Variants in EPS15 observed in about 807,000 individuals in gnomAD.
The protein encoded by EPS15 is epidermal growth factor receptor pathway substrate 15.
A neutral mutation model predicts 113.8 loss-of-function variants in EPS15; 72 were observed. The ratio of observed to expected loss-of-function variants is 0.63; its 90% CI spans 0.52 to 0.77. The LOEUF (loss-of-function observed/expected upper bound fraction) is 0.77, where lower values mean the gene tolerates loss of function less well. Ranked by LOEUF, EPS15 falls within the 30% of genes least tolerant of loss-of-function variation. The pLI, the probability that EPS15 is intolerant of heterozygous loss-of-function variation, is 0.00. For missense variants in EPS15, 1,048 were observed against 1,045.8 expected, an observed-to-expected ratio of 1.00 and a Z score of -0.03; for synonymous variants, 344 against 363.4, an observed-to-expected ratio of 0.95 and a Z score of 0.61.
intron 2 of EPS15, among the ~76,000 whole-genome samples, chr1:51,480,106 T>C (rs1206298851): frequency 3.3e-5 from 5 of 152,260 alleles, no homozygotes; most frequent in Admixed American, 2.6e-4. Context: ...AATTATTCTC[T>C]GACCTTAGAA....
At chr1:51,477,336 TTCTCTC>T (rs1643928017) in intron 2 of EPS15, among the ~76,000 whole-genome samples, 1 of 152,168 alleles carries the variant, frequency 6.6e-6, no homozygotes, top group Non-Finnish European at 1.5e-5. Flanking sequence ...TATTTGATTC[TTCTCTC>T]TCTGCTTCTT....
chr1:51,498,467 G>A (rs1644362522), intron 1 of EPS15, among the ~76,000 whole-genome samples: 1 of 152,194 alleles, frequency 6.6e-6, no homozygotes, highest in Non-Finnish European at 1.5e-5. Flanking sequence ...AATTATATGA[G>A]ATGTTCAAAA....
chr1:51,502,230 A>C (rs1365306007), intron 1 of EPS15, among the ~76,000 whole-genome samples: 1 of 152,156 alleles, frequency 6.6e-6, no homozygotes, highest in East Asian at 1.9e-4. Flanking sequence ...TCACCACTGC[A>C]CTCCAGCCTG....
At chr1:51,505,330 G>A (rs984495903) in intron 1 of EPS15, among the ~76,000 whole-genome samples, 5 of 152,254 alleles carry the variant, frequency 3.3e-5, no homozygotes, top group South Asian at 2.1e-4. Flanking sequence ...ATAACCATAC[G>A]ATGGAATATT....
rs146351603 is a variant in EPS15 at position 51,369,696 on chromosome 1, C to G, written c.2120-3667G>C. Among the ~76,000 whole-genome samples, 333 of 152,120 alleles carry G rather than the reference C, an allele frequency of 2.2e-3. 3 individuals are homozygous for G. The highest frequency in any genetic ancestry group is 7.7e-3 in the African/African-American group (318 of 41,482). ...TGATACGGTTTTTTGTGAAGGTGTA[C>G]ATGAAAAAGCTACATTTTAGGTATA... On this transcript the variant is annotated intron_variant, in intron 21 of 24. Transcript: ENST00000371733.
At chr1:51,395,704 T>C (rs1047413282) in intron 20 of EPS15, among the ~76,000 whole-genome samples, 3 of 152,238 alleles carry the variant, frequency 2.0e-5, no homozygotes, top group Admixed American at 6.5e-5. Context: ...TTTTTAATCA[T>C]AGTCAAACAA....
intron 13 of EPS15, among the ~76,000 whole-genome samples, chr1:51,417,728 G>A (rs1650375495): frequency 1.3e-5 from 2 of 152,132 alleles, no homozygotes; most frequent in African/African-American, 2.4e-5. Flanking sequence ...AGGCATGAGT[G>A]GAATTCACAT....
intron 21 of EPS15, among the ~76,000 whole-genome samples, chr1:51,377,733 G>A (rs1214519938): frequency 6.6e-6 from 1 of 152,118 alleles, no homozygotes; most frequent in Non-Finnish European, 1.5e-5. Context: ...GAAAGGAAGA[G>A]TCAATTGATG....
intron 4 of EPS15, among the ~76,000 whole-genome samples, chr1:51,470,896 C>T (rs957767894): frequency 2.0e-5 from 3 of 152,172 alleles, no homozygotes; most frequent in Non-Finnish European, 4.4e-5. Flanking sequence ...TGACTGACTA[C>T]ATGGCACCTA....
chr1:51,418,079 A>G (rs1642158407), intron 13 of EPS15, among the ~76,000 whole-genome samples: 1 of 152,178 alleles, frequency 6.6e-6, no homozygotes, highest in South Asian at 2.1e-4. Context: ...GAAAAATAGG[A>G]AAGTTCAAAC....
At chr1:51,363,804 C>A in intron 23 of EPS15, 62 bp downstream of exon 23, 1 of 1,497,370 alleles carries the variant, frequency 6.7e-7, no homozygotes, top group South Asian at 1.3e-5. Context: ...AAGTTCCGCA[C>A]AATACTTTTC....
intron 1 of EPS15, among the ~76,000 whole-genome samples, chr1:51,494,500 T>C (rs1644294034): frequency 6.6e-6 from 1 of 152,236 alleles, no homozygotes; most frequent in Non-Finnish European, 1.5e-5. Flanking sequence ...ATCCCAAACC[T>C]GAATGAAACC....
At chr1:51,465,777 C>T (rs1325512487) in intron 5 of EPS15, among the ~76,000 whole-genome samples, 2 of 151,870 alleles carry the variant, frequency 1.3e-5, no homozygotes, top group East Asian at 3.9e-4. Context: ...CAACAAATCC[C>T]TAAATTAACC....
At chr1:51,430,124 A>G (rs1651586009) in intron 12 of EPS15, among the ~76,000 whole-genome samples, 1 of 152,238 alleles carries the variant, frequency 6.6e-6, no homozygotes, top group African/African-American at 2.4e-5. Flanking sequence ...GACAATTGCT[A>G]GAAAGGCAAT....
chr1:51,484,146 G>A, intron 1 of EPS15, among the ~76,000 whole-genome samples: 1 of 152,128 alleles, frequency 6.6e-6, no homozygotes, highest in East Asian at 1.9e-4. Flanking sequence ...TAGGTGTCCT[G>A]CTCCCAGCTC....
At chr1:51,399,980 AT>A (rs1387423754) in intron 19 of EPS15, among the ~76,000 whole-genome samples, 1 of 152,198 alleles carries the variant, frequency 6.6e-6, no homozygotes, top group Non-Finnish European at 1.5e-5. Flanking sequence ...TAATAAACTT[AT>A]TTTTAAAATT....
In EPS15 at chr1:51,443,280, T is replaced by C. The variant is rs1019561099; in HGVS notation, c.954+1609A>G. Among the ~76,000 whole-genome samples the C allele has an allele frequency of 2.0e-5, 3 of 150,748 alleles. No homozygotes were observed. In the East Asian group the frequency reaches 5.8e-4, roughly 29 times the overall value. On this transcript the variant is annotated intron_variant, in intron 11 of 24. Transcript: ENST00000371733. The stretch of plus-strand genomic sequence containing the variant: ...AAATTTGTGTTGGTAGGCAATTGAA[T>C]AGGTTATAAAATGAAGAAGGCAGAA...
At chr1:51,472,712 T>C (rs1655328428) in intron 3 of EPS15, 147 bp downstream of exon 3, 4 of 594,572 alleles carry the variant, frequency 6.7e-6, no homozygotes, top group African/African-American at 1.8e-5. Flanking sequence ...CGCTACAAAT[T>C]CCCTTCATCC....
intron 8 of EPS15, among the ~76,000 whole-genome samples, chr1:51,452,048 ATT>A (rs879331547): frequency 6.9e-6 from 1 of 144,684 alleles, no homozygotes. Context: ...AACCCAGCTA[ATT>A]TTTTTTTTTT....
Sources: allele counts gnomAD v4.1 joint callset (sites outside exome capture counted in the v4.1 genomes callset), GRCh38; gene constraint gnomAD v4.1.1; transcripts MANE v1.5; gene names NCBI Gene and HGNC (gene_info 2026-07-23, HGNC 2026-07-21).